The following ARHGEF38 variants were observed in gnomAD, a reference collection of about 807,000 sequenced individuals.
ARHGEF38 encodes the protein Rho guanine nucleotide exchange factor 38, also known as Rho guanine nucleotide exchange factor (GEF) 38.
A neutral mutation model predicts 79.9 loss-of-function variants in ARHGEF38; 79 were observed. That is an observed-to-expected ratio of 0.99 (90% CI 0.82 to 1.19). The LOEUF is 1.19. ARHGEF38 is among the 50% of genes most tolerant of loss of function. The pLI is 0.00. For missense variants in ARHGEF38, 962 were observed against 907.2 expected (o/e 1.06, Z -0.78); for synonymous variants, 366 against 328.3 (o/e 1.11, Z -1.24).
At chr4:105,646,861 G>A (rs1380758192) in intron 6 of ARHGEF38, among the ~76,000 whole-genome samples, 1 of 151,818 alleles carries the variant, frequency 6.6e-6, no homozygotes, top group East Asian at 1.9e-4. Context: ...TTTGCAAGTG[G>A]TAGAAGAATA....
At chr4:105,626,730 A>G (rs1283329349) in intron 3 of ARHGEF38, among the ~76,000 whole-genome samples, 3 of 151,932 alleles carry the variant, frequency 2.0e-5, no homozygotes, top group Non-Finnish European at 2.9e-5. Context: ...CTAAAACACA[A>G]TCTGGTCAGT....
At chr4:105,604,287 T>C (rs1727949166) in intron 2 of ARHGEF38, among the ~76,000 whole-genome samples, 1 of 152,210 alleles carries the variant, frequency 6.6e-6, no homozygotes, top group South Asian at 2.1e-4. Flanking sequence ...GGTCAAGTGA[T>C]TAAATCCTGG....
intron 1 of ARHGEF38, 100 bp from the exon 2 acceptor site, chr4:105,589,148 C>T: frequency 1.1e-6 from 1 of 931,386 alleles, no homozygotes; most frequent in Admixed American, 2.8e-5. Flanking sequence ...TACCTTCAGC[C>T]TTTTTCCTTG....
intron 3 of ARHGEF38, among the ~76,000 whole-genome samples, chr4:105,620,275 C>A (rs1336492760): frequency 6.6e-6 from 1 of 152,116 alleles, no homozygotes; most frequent in Non-Finnish European, 1.5e-5. Context: ...GTTTTAATAT[C>A]AGGTTGACTT....
chr4:105,568,803 A>G (rs1408945910), intron 1 of ARHGEF38, among the ~76,000 whole-genome samples: 1 of 152,204 alleles, frequency 6.6e-6, no homozygotes, highest in Non-Finnish European at 1.5e-5. Flanking sequence ...ACATTCTTGA[A>G]GTATGTCTTT....
intron 2 of ARHGEF38, 139 bp from the exon 3 acceptor site, chr4:105,613,245 G>C: frequency 9.5e-6 from 11 of 1,152,288 alleles, no homozygotes; most frequent in Non-Finnish European, 1.3e-5. Flanking sequence ...CTGCACTCTA[G>C]AATTCCTAAA....
intron 9 of ARHGEF38, among the ~76,000 whole-genome samples, chr4:105,655,924 A>T (rs749587322): frequency 7.2e-5 from 11 of 152,194 alleles, no homozygotes; most frequent in Non-Finnish European, 1.2e-4. Context: ...CTATGATGGA[A>T]ATTTAAGAGG....
At chr4:105,643,366 G>A (rs1027301429) in intron 5 of ARHGEF38, among the ~76,000 whole-genome samples, 5 of 151,850 alleles carry the variant, frequency 3.3e-5, no homozygotes, top group Non-Finnish European at 7.4e-5. Flanking sequence ...GTATGAAGTA[G>A]AAGATACAGC....
chr4:105,583,860 AT>A (rs532529701), intron 1 of ARHGEF38, among the ~76,000 whole-genome samples: 5 of 150,906 alleles, frequency 3.3e-5, no homozygotes, highest in African/African-American at 1.2e-4. Context: ...AAGGGATGCT[AT>A]TTTTTTTTCT....
intron 2 of ARHGEF38, among the ~76,000 whole-genome samples, chr4:105,595,247 T>A (rs950237242): frequency 6.6e-5 from 10 of 152,210 alleles, no homozygotes; most frequent in Non-Finnish European, 1.2e-4. Flanking sequence ...TGTGTTTGAA[T>A]GCACACTTGG....
At chr4:105,575,680 T>C (rs1177361667) in intron 1 of ARHGEF38, among the ~76,000 whole-genome samples, 4 of 152,292 alleles carry the variant, frequency 2.6e-5, no homozygotes, top group Admixed American at 6.5e-5. Flanking sequence ...TATTTTTGCT[T>C]TTTTTCCATT....
chr4:105,657,104 G>T (rs1410224972), intron 9 of ARHGEF38, among the ~76,000 whole-genome samples: 2 of 152,122 alleles, frequency 1.3e-5, no homozygotes, highest in African/African-American at 2.4e-5. Flanking sequence ...TAATGGAAAA[G>T]GTGTGGCTAG....
intron 2 of ARHGEF38, among the ~76,000 whole-genome samples, chr4:105,602,830 A>G (rs1325471701): frequency 6.6e-6 from 1 of 152,200 alleles, no homozygotes; most frequent in East Asian, 1.9e-4. Flanking sequence ...TTCAAAAAAA[A>G]GAGACAAGTG....
chr4:105,571,551 G>A (rs941636159), intron 1 of ARHGEF38, among the ~76,000 whole-genome samples: 2 of 151,944 alleles, frequency 1.3e-5, no homozygotes, highest in Non-Finnish European at 2.9e-5. Context: ...TCAAACTCCT[G>A]ACCTCAGGTG....
At chr4:105,614,839 G>C (rs532239206) in intron 3 of ARHGEF38, among the ~76,000 whole-genome samples, 1 of 152,272 alleles carries the variant, frequency 6.6e-6, no homozygotes, top group South Asian at 2.1e-4. Flanking sequence ...GTATCAAAAG[G>C]TGAAAGGGCT....
chr4:105,643,554 G>T (rs936640857), intron 5 of ARHGEF38, among the ~76,000 whole-genome samples: 1 of 152,026 alleles, frequency 6.6e-6, no homozygotes, highest in African/African-American at 2.4e-5. Context: ...AAAAACGTTC[G>T]GTATAAGATA....
intron 1 of ARHGEF38, among the ~76,000 whole-genome samples, chr4:105,564,536 T>A (rs1307072284): frequency 3.9e-5 from 6 of 152,124 alleles, no homozygotes; most frequent in African/African-American, 1.2e-4. Context: ...GAGTTTCAAT[T>A]TGGGAAGATG....
At chr4:105,633,958 A>G (rs1013678704) in intron 4 of ARHGEF38, among the ~76,000 whole-genome samples, 14 of 152,172 alleles carry the variant, frequency 9.2e-5, no homozygotes, top group Admixed American at 7.2e-4. Flanking sequence ...CTAACTTTCA[A>G]TTATTCTTTG....
At chr4:105,637,817 T>A (rs1729460781) in intron 5 of ARHGEF38, among the ~76,000 whole-genome samples, 1 of 152,200 alleles carries the variant, frequency 6.6e-6, no homozygotes, top group South Asian at 2.1e-4. Flanking sequence ...TACAGAATAC[T>A]TAAACAGTTC....
Sources: allele counts gnomAD v4.1 joint callset (sites outside exome capture counted in the v4.1 genomes callset), GRCh38; gene constraint gnomAD v4.1.1; transcripts MANE v1.5; gene names NCBI Gene and HGNC (gene_info 2026-07-23, HGNC 2026-07-21).